The following VPS39 variants were observed in gnomAD, a reference collection of about 807,000 sequenced individuals.
The protein encoded by VPS39 is VPS39 subunit of HOPS complex.
In VPS39, 70 loss-of-function variants were observed where a neutral mutation model predicts 121.0. The observed-to-expected ratio is 0.58, with a 90% CI of 0.48 to 0.71. The LOEUF is 0.71. VPS39 is among the 30% of genes least tolerant of loss of function. The probability of loss-of-function intolerance (pLI) is 0.00; values close to 1 mark genes in which losing one functional copy is unlikely to be tolerated. For synonymous variants in VPS39, 378 were observed against 398.1 expected, an observed-to-expected ratio of 0.95 and a Z score of 0.60; for missense variants, 818 against 1,051.5, an observed-to-expected ratio of 0.78 and a Z score of 3.07.
chr15:42,187,972 A>G (rs990071180), intron 5 of VPS39, 116 bp from the exon 6 acceptor site: 1 of 922,354 alleles, frequency 1.1e-6, no homozygotes, highest in Non-Finnish European at 1.7e-6. Flanking sequence ...TCCCTGTAAC[A>G]CAGTCATCCT....
At chr15:42,175,919 C>T (rs927080256) in intron 10 of VPS39, among the ~76,000 whole-genome samples, 18 of 152,100 alleles carry the variant, frequency 1.2e-4, no homozygotes, top group South Asian at 2.1e-4. Flanking sequence ...AGTGTCCAGC[C>T]GTAGGATGCC....
chr15:42,166,908 A>G lies in VPS39; in HGVS notation c.1383T>C (p.Asn461=). Reference sequence around the variant, plus strand: ...GTAGCAAGGGGGCCACCAGGGCCACATTTGTCTGCAGAAAGAGCAGGAGTT... The same window carrying G: ...GTAGCAAGGGGGCCACCAGGGCCACGTTTGTCTGCAGAAAGAGCAGGAGTT... ...TTLLKCYLHT[N]VALVAPLLRL... The change falls in exon 14 of 25, where the codon AAT becomes AAC. Residue 461 remains asparagine, a synonymous_variant. Coordinates refer to ENST00000318006, the MANE Select transcript of VPS39 (RefSeq NM_015289.5). 1 of 1,614,164 alleles carries G rather than the reference A, an allele frequency of 6.2e-7. No homozygotes were observed. The highest frequency in any genetic ancestry group is 8.5e-7 in the Non-Finnish European group (1 of 1,180,024).
rs776163057 is a variant in VPS39 at position 42,166,569 on chromosome 15, G to T, written c.1600C>A (p.His534Asn). Residue 534 changes from histidine (H) to asparagine (N), a missense_variant, in exon 15 of 25, where the codon CAT becomes AAT. Transcript: ENST00000318006. Reference protein sequence around the residue: ...GHERTVQYLQHLGTENLHLIF... With the variant: ...GHERTVQYLQNLGTENLHLIF... ...TTTCAAAAGGCGGACTTACCCAGATGCTGCAGATACTGCACTGTCCTCTCG... is the reference window on the plus strand; with the variant it reads ...TTTCAAAAGGCGGACTTACCCAGATTCTGCAGATACTGCACTGTCCTCTCG... 25 of 1,614,110 alleles carry T rather than the reference G, an allele frequency of 1.5e-5. No homozygotes were observed. Among genetic ancestry groups the T allele is most frequent in the Non-Finnish European group, 2.1e-5 (25 of 1,180,042 alleles).
In VPS39 at chr15:42,178,448, A is replaced by G. The variant is rs2049503609; in HGVS notation, c.839+2T>C. 6.2e-7 allele frequency: 1 copy of G among 1,613,964 alleles called. No homozygotes were observed. The highest frequency in any genetic ancestry group is 1.3e-5 in the African/African-American group (1 of 74,896). The stretch of plus-strand genomic sequence containing the variant: ...GCCATAGCAAAAAAAGAAATTCCTT[A>G]CCCTCCTGAGGTAATGAAACGGGGC... On this transcript the variant is annotated splice_donor_variant, in intron 9 of 24. Coordinates refer to ENST00000318006, the MANE Select transcript of VPS39 (RefSeq NM_015289.5). LOFTEE classifies it high-confidence loss of function.
At chr15:42,188,307 T>TGTA (rs1190883536) in intron 5 of VPS39, among the ~76,000 whole-genome samples, 1 of 152,138 alleles carries the variant, frequency 6.6e-6, no homozygotes, top group Non-Finnish European at 1.5e-5. Flanking sequence ...GCAGTGTCAA[T>TGTA]GTAGAACATA....
At position 42,208,198 on chromosome 15, in the gene VPS39, C is replaced by A. The variant is rs1342019631; in HGVS notation, c.-45G>T. The A allele has an allele frequency of 6.4e-7, 1 of 1,552,768 alleles. No homozygotes were observed. Among genetic ancestry groups the A allele is most frequent in the Non-Finnish European group, 8.7e-7 (1 of 1,147,812 alleles). ...CCACCGCCGTCTCGCCCAGAGTGTT[C>A]CGGGCCGGGCTGGGGTCCGGAACGA... On this transcript the variant is annotated 5_prime_UTR_variant, in exon 1 of 25. Transcript: ENST00000318006.
rs747152122 is a variant in VPS39 at position 42,165,770 on chromosome 15, C to T, written c.1727G>A (p.Arg576Gln). 8 of 1,613,992 alleles carry T rather than the reference C, an allele frequency of 5.0e-6. No individual in the cohort carries two copies. Among genetic ancestry groups the T allele is most frequent in the East Asian group, 2.2e-5 (1 of 44,900 alleles). ...LPEVESLPRD[R>Q]VLGFLIENFK... Reference sequence around the variant, plus strand: ...ATTCTCTATTAAGAAGCCGAGGACTCGATCACGTGGCAGAGACTCCACTTC... The same window carrying T: ...ATTCTCTATTAAGAAGCCGAGGACTTGATCACGTGGCAGAGACTCCACTTC... The change falls in exon 17 of 25, where the codon CGA becomes CAA. Residue 576 changes from arginine (R) to glutamine (Q), a missense_variant. Arg to Gln is a conservative substitution (Grantham distance 43). Coordinates refer to ENST00000318006, the MANE Select transcript of VPS39 (RefSeq NM_015289.5).
intron 5 of VPS39, 94 bp from the exon 6 acceptor site, chr15:42,187,950 T>G (rs1455148166): frequency 6.5e-6 from 8 of 1,233,708 alleles, no homozygotes; most frequent in Non-Finnish European, 9.5e-6. Flanking sequence ...AAATTGCTAC[T>G]ACTCTGAAAA....
chr15:42,197,626 C>A (rs879482477), intron 2 of VPS39, among the ~76,000 whole-genome samples: 3 of 152,088 alleles, frequency 2.0e-5, no homozygotes, highest in Non-Finnish European at 2.9e-5. Flanking sequence ...TAGAATCAAC[C>A]AGTTAAAAAC....
At chr15:42,190,165 G>A (rs1354822211) in intron 4 of VPS39, among the ~76,000 whole-genome samples, 2 of 152,258 alleles carry the variant, frequency 1.3e-5, no homozygotes, top group South Asian at 2.1e-4. Context: ...TTATGATGCA[G>A]TATTTATACA....
At chr15:42,189,877 T>C (rs1280107511) in intron 4 of VPS39, among the ~76,000 whole-genome samples, 5 of 137,980 alleles carry the variant, frequency 3.6e-5, no homozygotes, top group Admixed American at 1.6e-4. Context: ...AGGGGCATGA[T>C]CTCAGCTCAC....
At chr15:42,206,413 C>T (rs573366593) in intron 1 of VPS39, among the ~76,000 whole-genome samples, 4 of 152,328 alleles carry the variant, frequency 2.6e-5, no homozygotes, top group South Asian at 4.1e-4. Context: ...GAGCATTTCT[C>T]CTGTTCGGTG....
chr15:42,199,433 G>A lies in VPS39; in HGVS notation c.139+463C>T, dbSNP rs115909119. On this transcript the variant is annotated intron_variant, in intron 2 of 24. Transcript: ENST00000318006. ...AACTTGCTCACGGTCACGCAGCCAGGGGGAAGTGCACATGAAGGCAAACCC... is the reference window on the plus strand; with the variant it reads ...AACTTGCTCACGGTCACGCAGCCAGAGGGAAGTGCACATGAAGGCAAACCC... 7.6e-3 allele frequency: 2,241 copies of A among 293,064 alleles called. 47 individuals are homozygous for A. Among genetic ancestry groups the A allele is most frequent in the African/African-American group, 0.05 (2,120 of 42,702 alleles). The allele number at this position is 293,064 out of a possible 1,614,324, so 18.2% of individuals were successfully genotyped here. A position where few individuals can be genotyped will look rare whatever the true frequency, so the allele number is the denominator to read the frequency against.
At chr15:42,174,929 A>T (rs972561666) in intron 10 of VPS39, among the ~76,000 whole-genome samples, 18 of 150,898 alleles carry the variant, frequency 1.2e-4, no homozygotes, top group Admixed American at 2.6e-4. Context: ...AGCCAAGATC[A>T]CGCCACTGTA....
At chr15:42,169,969 T>TTTA in intron 11 of VPS39, 103 bp from the exon 12 acceptor site, 1 of 952,086 alleles carries the variant, frequency 1.1e-6, no homozygotes, top group Non-Finnish European at 1.4e-6. Context: ...CAGACTGATT[T>TTTA]AAAAAAAAAA....
chr15:42,175,387 A>G (rs939060527), intron 10 of VPS39, among the ~76,000 whole-genome samples: 4 of 150,314 alleles, frequency 2.7e-5, no homozygotes, highest in Non-Finnish European at 5.9e-5. Context: ...CAGCCTGGCG[A>G]TAGAGGAAGA....
chr15:42,167,537 T>A lies in VPS39; in HGVS notation c.1234A>T (p.Lys412Ter). Residue 412 changes from lysine to a stop codon, truncating the protein, a stop_gained and splice_region_variant, in exon 13 of 25, where the codon AAA (lysine) becomes TAA (stop). Transcript: ENST00000318006. LOFTEE classifies it high-confidence loss of function. ...HLALIDYLTQ[K>*]RSQLVKKLND... ...AGCTTCTTTACCAATTGACTTCGTTTCTGCAAAGGTCAAAATGTGGGGTTA... is the reference window on the plus strand; with the variant it reads ...AGCTTCTTTACCAATTGACTTCGTTACTGCAAAGGTCAAAATGTGGGGTTA... 6.2e-7 allele frequency: 1 copy of A among 1,614,056 alleles called. No individual in the cohort carries two copies. The highest frequency in any genetic ancestry group is 8.5e-7 in the Non-Finnish European group (1 of 1,179,960).
intron 8 of VPS39, 87 bp downstream of exon 8, chr15:42,184,429 TG>T (rs1322185724): frequency 2.9e-6 from 4 of 1,392,836 alleles, no homozygotes; most frequent in Non-Finnish European, 2.9e-6. Context: ...TAAACCAGTC[TG>T]CTAAAGCTAC....
intron 12 of VPS39, among the ~76,000 whole-genome samples, chr15:42,168,300 A>G (rs2049283640): frequency 6.6e-6 from 1 of 152,334 alleles, no homozygotes; most frequent in African/African-American, 2.4e-5. Context: ...GCCTTCCACA[A>G]TGCCACTGGC....
Sources: gnomAD v4.1 joint callset for allele counts (sites outside exome capture counted in the v4.1 genomes callset) on GRCh38, gnomAD v4.1.1 for gene constraint, MANE v1.5 for transcripts, NCBI Gene and HGNC (gene_info 2026-07-23, HGNC 2026-07-21) for gene names.